CACNA1E: variants seen among roughly 807,000 people sequenced by gnomAD.
CACNA1E encodes the protein voltage-dependent R-type calcium channel subunit alpha-1E.
A neutral mutation model predicts 259.2 loss-of-function variants in CACNA1E; 40 were observed. The observed-to-expected ratio is 0.15, with a 90% CI of 0.12 to 0.20. The LOEUF (loss-of-function observed/expected upper bound fraction) is 0.20. Among genes scored for constraint, CACNA1E ranks in the 10% least tolerant of loss-of-function variants. The pLI is 1.00. For missense variants in CACNA1E, 1,874 were observed against 3,040.1 expected, an observed-to-expected ratio of 0.62 and a Z score of 9.02; for synonymous variants, 1,104 against 1,138.5, an observed-to-expected ratio of 0.97 and a Z score of 0.61.
intron 1 of CACNA1E, among the ~76,000 whole-genome samples, chr1:181,319,722 T>C (rs1245821868): frequency 2.0e-5 from 3 of 152,206 alleles, no homozygotes; most frequent in African/African-American, 7.2e-5. Flanking sequence ...CCCATGCAGA[T>C]AGAGATAAAT....
intron 1 of CACNA1E, among the ~76,000 whole-genome samples, chr1:181,350,786 C>T (rs1652990917): frequency 3.9e-5 from 6 of 152,104 alleles, no homozygotes; most frequent in Admixed American, 3.9e-4. Flanking sequence ...TTTTTCCCAC[C>T]TACAACCTTA....
intron 7 of CACNA1E, among the ~76,000 whole-genome samples, chr1:181,660,158 T>G (rs1183949371): frequency 6.6e-6 from 1 of 152,188 alleles, no homozygotes; most frequent in Non-Finnish European, 1.5e-5. Context: ...GTGTCCATAG[T>G]AGAGGAGGAA....
intron 3 of CACNA1E, among the ~76,000 whole-genome samples, chr1:181,577,204 G>A (rs1026187141): frequency 1.3e-5 from 2 of 152,032 alleles, no homozygotes; most frequent in Non-Finnish European, 2.9e-5. Context: ...AGAGTGGTTT[G>A]TGCAATTATA....
At chr1:181,792,133 T>C (rs1056767953) in intron 44 of CACNA1E, among the ~76,000 whole-genome samples, 1 of 152,350 alleles carries the variant, frequency 6.6e-6, no homozygotes, top group Non-Finnish European at 1.5e-5. Context: ...GATAGTTTGA[T>C]TCTTAAAAAG....
intron 7 of CACNA1E, among the ~76,000 whole-genome samples, chr1:181,656,321 C>T (rs1319881594): frequency 6.6e-6 from 1 of 152,052 alleles, no homozygotes; most frequent in Non-Finnish European, 1.5e-5. Flanking sequence ...AGGTGGAAGA[C>T]AGTGATATTG....
intron 6 of CACNA1E, among the ~76,000 whole-genome samples, chr1:181,606,941 T>C (rs1327126357): frequency 1.3e-5 from 2 of 152,230 alleles, no homozygotes; most frequent in Non-Finnish European, 2.9e-5. Flanking sequence ...CTAAACAAAG[T>C]CAGTCCCTCT....
At chr1:181,667,967 A>T (rs534415653) in intron 7 of CACNA1E, among the ~76,000 whole-genome samples, 26 of 152,210 alleles carry the variant, frequency 1.7e-4, no homozygotes, top group Admixed American at 1.0e-3. Flanking sequence ...GCATAACTGT[A>T]GCACAATACC....
intron 47 of CACNA1E, 84 bp downstream of exon 47, chr1:181,796,942 G>T (rs965253204): frequency 6.0e-6 from 6 of 997,980 alleles, no homozygotes; most frequent in Non-Finnish European, 7.2e-6. Flanking sequence ...TGAGCATTTC[G>T]CAAACGCATT....
chr1:181,726,751 T>A (rs1654942451), intron 18 of CACNA1E, among the ~76,000 whole-genome samples: 1 of 151,944 alleles, frequency 6.6e-6, no homozygotes, highest in African/African-American at 2.4e-5. Context: ...CTATGGAGCA[T>A]AATGGACTGT....
At chr1:181,542,930 G>A (rs1431338164) in intron 3 of CACNA1E, among the ~76,000 whole-genome samples, 1 of 149,026 alleles carries the variant, frequency 6.7e-6, no homozygotes, top group Non-Finnish European at 1.5e-5. Flanking sequence ...CTCCTTCTTG[G>A]AAATACACGT....
chr1:181,640,075 T>C (rs1404910023), intron 6 of CACNA1E, among the ~76,000 whole-genome samples: 4 of 152,218 alleles, frequency 2.6e-5, no homozygotes, highest in Admixed American at 6.5e-5. Flanking sequence ...CAGTGATTTC[T>C]ATAAATAACA....
chr1:181,426,861 A>C (rs1347945256), intron 2 of CACNA1E, among the ~76,000 whole-genome samples: 13 of 85,256 alleles, frequency 1.5e-4, no homozygotes, highest in East Asian at 4.0e-4. Context: ...CAACCCCTTC[A>C]CAACTCAACC....
At chr1:181,772,035 T>C in intron 36 of CACNA1E, 31 bp from the exon 37 acceptor site, 3 of 1,607,554 alleles carry the variant, frequency 1.9e-6, no homozygotes, top group Middle Eastern at 1.7e-4. Flanking sequence ...GCAGAGCTGC[T>C]CCTGCTAACC....
intron 7 of CACNA1E, among the ~76,000 whole-genome samples, chr1:181,700,024 T>C (rs1652076502): frequency 6.6e-6 from 1 of 152,072 alleles, no homozygotes; most frequent in South Asian, 2.1e-4. Flanking sequence ...GCTTTCAGCA[T>C]AGAGATGATG....
chr1:181,722,862 G>A, intron 16 of CACNA1E, among the ~76,000 whole-genome samples: 1 of 152,126 alleles, frequency 6.6e-6, no homozygotes, highest in East Asian at 1.9e-4. Flanking sequence ...CAGACTAGAA[G>A]CTCAATATGA....
At chr1:181,563,519 A>G (rs1649526281) in intron 3 of CACNA1E, among the ~76,000 whole-genome samples, 1 of 152,096 alleles carries the variant, frequency 6.6e-6, no homozygotes, top group African/African-American at 2.4e-5. Context: ...ACTTTGAAAG[A>G]TCTCTTTGGC....
rs935850928 is a variant in CACNA1E at position 181,447,289 on chromosome 1, G to A, written c.434+33709G>A. ...TGCCTTCATTCCCAGAGCTTTGGGA[G>A]GCCAAGGTGGGAGGATCATTTGAAG... is the stretch of plus-strand genomic sequence containing the variant. On this transcript the variant is annotated intron_variant, in intron 2 of 11. Coordinates refer to the CACNA1E transcript ENST00000524607. Among the ~76,000 whole-genome samples, 11 of 152,124 alleles carry A rather than the reference G, an allele frequency of 7.2e-5. No homozygotes were observed. In the East Asian group the frequency reaches 1.9e-3, roughly 27 times the overall value.
At chr1:181,631,609 G>T (rs1558206009) in intron 6 of CACNA1E, among the ~76,000 whole-genome samples, 1 of 152,118 alleles carries the variant, frequency 6.6e-6, no homozygotes, top group Non-Finnish European at 1.5e-5. Context: ...TTGCAGTATG[G>T]CTGGGTGGTG....
At chr1:181,484,343 T>C (rs545581670) in intron 1 of CACNA1E, among the ~76,000 whole-genome samples, 4 of 152,094 alleles carry the variant, frequency 2.6e-5, no homozygotes, top group African/African-American at 9.6e-5. Context: ...TCTACATAGA[T>C]TGGGTTGCCC....
Sources: gnomAD v4.1 joint callset for allele counts (sites outside exome capture counted in the v4.1 genomes callset) on GRCh38, gnomAD v4.1.1 for gene constraint, MANE v1.5 for transcripts, NCBI Gene and HGNC (gene_info 2026-07-23, HGNC 2026-07-21) for gene names.